The following CELF4 variants were observed in gnomAD, a reference collection of about 807,000 sequenced individuals.
The protein encoded by CELF4 is CUGBP Elav-like family member 4, also known as CUG-BP- and ETR-3-like factor 4.
CELF4 carries 18 observed loss-of-function variants against 59.9 expected under a neutral mutation model. The ratio of observed to expected loss-of-function variants is 0.30; its 90% CI spans 0.21 to 0.45. The LOEUF (loss-of-function observed/expected upper bound fraction) is 0.45, where lower values mean the gene tolerates loss of function less well. CELF4 is among the 20% of genes least tolerant of loss of function. CELF4 has a pLI of 1.00. For synonymous variants in CELF4, 261 were observed against 267.1 expected, an observed-to-expected ratio of 0.98 and a Z score of 0.22; for missense variants, 456 against 689.0, an observed-to-expected ratio of 0.66 and a Z score of 3.79.
chr18:37,379,507 CAAAAAAAAAAAAAA>C lies in CELF4; in HGVS notation c.370-57640_370-57627del, dbSNP rs56250210. ...GGCATCACAAATAAGAGGCCATAAG[CAAAAAAAAAAAAAA>C]AAAAAAAAAAAGGTACTATCCTTTG... On this transcript the variant is annotated intron_variant, in intron 2 of 12. Transcript: ENST00000420428. Among the ~76,000 whole-genome samples the C allele has an allele frequency of 1.1e-4, 5 of 45,714 alleles. No homozygotes were observed. In the East Asian group the frequency reaches 4.5e-3, roughly 41 times the overall value. The allele number at this position is 45,714 out of a possible 152,430, so 30.0% of individuals were successfully genotyped here. A position where few individuals can be genotyped will look rare whatever the true frequency, so the allele number is the denominator to read the frequency against.
intron 3 of CELF4, among the ~76,000 whole-genome samples, chr18:37,295,237 C>T (rs545213028): frequency 6.6e-6 from 1 of 152,334 alleles, no homozygotes; most frequent in South Asian, 2.1e-4. Context: ...CTGCAAACGT[C>T]CCCTTTTCCT....
intron 2 of CELF4, among the ~76,000 whole-genome samples, chr18:37,420,324 C>T (rs2099570166): frequency 1.3e-5 from 2 of 152,244 alleles, no homozygotes; most frequent in South Asian, 2.1e-4. Context: ...AATGTCTCAG[C>T]ACCTTGGTTT....
At chr18:37,313,916 A>G (rs1360106909) in intron 3 of CELF4, among the ~76,000 whole-genome samples, 1 of 152,238 alleles carries the variant, frequency 6.6e-6, no homozygotes, top group Non-Finnish European at 1.5e-5. Flanking sequence ...CCGCTGCCAC[A>G]TCAGTGCTGG....
chr18:37,481,760 T>G (rs1296432427), intron 2 of CELF4, among the ~76,000 whole-genome samples: 1 of 152,204 alleles, frequency 6.6e-6, no homozygotes, highest in East Asian at 1.9e-4. Flanking sequence ...GAGTCACTCC[T>G]GCACTCCATG....
intron 1 of CELF4, among the ~76,000 whole-genome samples, chr18:37,548,061 ATC>A (rs2099982015): frequency 6.6e-6 from 1 of 150,604 alleles, no homozygotes; most frequent in African/African-American, 2.4e-5. Flanking sequence ...TGATTTTTGA[ATC>A]TCTATGTATG....
intron 1 of CELF4, among the ~76,000 whole-genome samples, chr18:37,550,029 T>G (rs973948802): frequency 7.1e-5 from 8 of 113,428 alleles, no homozygotes; most frequent in African/African-American, 2.2e-4. Context: ...GGAAGAAAAC[T>G]AAAAATACTA....
At chr18:37,362,679 TGCC>T (rs1569567739) in intron 2 of CELF4, among the ~76,000 whole-genome samples, 1 of 152,044 alleles carries the variant, frequency 6.6e-6, no homozygotes, top group Non-Finnish European at 1.5e-5. Context: ...CTGGCTGCCC[TGCC>T]CTGCCCGCGC....
chr18:37,379,075 T>C (rs2099005468), intron 2 of CELF4, among the ~76,000 whole-genome samples: 2 of 152,200 alleles, frequency 1.3e-5, no homozygotes, highest in South Asian at 4.1e-4. Flanking sequence ...CTGCTTAGGC[T>C]AGGAGATGAG....
In CELF4 at chr18:37,330,997, A is replaced by C. The variant is rs55829755; in HGVS notation, c.370-9116T>G. On this transcript the variant is annotated intron_variant, in intron 2 of 12. Transcript: ENST00000420428. ...CAAATCCAGAGCCTATTAAAATGCAAACCCTCCAGATAAGATTTTTTAATA... is the reference window on the plus strand; with the variant it reads ...CAAATCCAGAGCCTATTAAAATGCACACCCTCCAGATAAGATTTTTTAATA... Among the ~76,000 whole-genome samples, 481 of 152,302 alleles carry C rather than the reference A, an allele frequency of 3.2e-3. 1 individual carries two copies. Among genetic ancestry groups the C allele is most frequent in the African/African-American group, 0.011 (453 of 41,560 alleles).
At chr18:37,387,304 TC>T (rs757580506) in intron 2 of CELF4, among the ~76,000 whole-genome samples, 4 of 152,304 alleles carry the variant, frequency 2.6e-5, no homozygotes, top group Middle Eastern at 3.4e-3. Flanking sequence ...CAGGCCTTGC[TC>T]CCTCCCCAAA....
intron 2 of CELF4, among the ~76,000 whole-genome samples, chr18:37,351,360 G>C (rs1292301897): frequency 1.3e-5 from 2 of 152,126 alleles, no homozygotes; most frequent in Non-Finnish European, 2.9e-5. Flanking sequence ...TCCTCTCCAA[G>C]AAACGATGCC....
chr18:37,467,122 T>C (rs957950103), intron 2 of CELF4, among the ~76,000 whole-genome samples: 1 of 152,164 alleles, frequency 6.6e-6, no homozygotes, highest in African/African-American at 2.4e-5. Context: ...CCCTTGTCAC[T>C]ATACGGGTCA....
chr18:37,529,484 C>A (rs1424250660), intron 1 of CELF4, among the ~76,000 whole-genome samples: 1 of 152,204 alleles, frequency 6.6e-6, no homozygotes, highest in South Asian at 2.1e-4. Context: ...CAAACCAGGG[C>A]ACATCCAATA....
At chr18:37,463,001 C>T (rs1268130280) in intron 2 of CELF4, among the ~76,000 whole-genome samples, 1 of 152,130 alleles carries the variant, frequency 6.6e-6, no homozygotes, top group Non-Finnish European at 1.5e-5. Context: ...CTCTGTGGAC[C>T]TGCACTCTGG....
intron 2 of CELF4, among the ~76,000 whole-genome samples, chr18:37,471,722 C>G (rs970150010): frequency 6.6e-6 from 1 of 152,164 alleles, no homozygotes; most frequent in Non-Finnish European, 1.5e-5. Context: ...AGGGAAGCCC[C>G]AGGGGCAGCA....
rs1354091597 is a variant in CELF4, at chr18:37,254,064, C to T, written c.1334-126G>A. 2 of 654,074 alleles carry T rather than the reference C, an allele frequency of 3.1e-6. No individual in the cohort carries two copies. The highest frequency in any genetic ancestry group is 4.2e-6 in the Non-Finnish European group (2 of 481,040). The allele number at this position is 654,074 out of a possible 1,614,324, so 40.5% of individuals were successfully genotyped here. On this transcript the variant is annotated intron_variant, in intron 11 of 12. Transcript: ENST00000420428. The surrounding 1 kb of genome is among the most constrained non-coding windows in gnomAD (Gnocchi z 5.1). ...GGCTCTCCCCCTCGGGCCCCGCCCCCGGCCCCGCCCCGGTGCCCGCCCCTC... is the reference window on the plus strand; with the variant it reads ...GGCTCTCCCCCTCGGGCCCCGCCCCTGGCCCCGCCCCGGTGCCCGCCCCTC...
intron 2 of CELF4, among the ~76,000 whole-genome samples, chr18:37,425,759 C>T (rs1392444478): frequency 6.6e-6 from 1 of 152,266 alleles, no homozygotes; most frequent in Non-Finnish European, 1.5e-5. Context: ...GCAGAAACTA[C>T]AGCTGCTTGG....
chr18:37,510,619 G>A (rs753562936), intron 1 of CELF4, among the ~76,000 whole-genome samples: 2 of 152,208 alleles, frequency 1.3e-5, no homozygotes, highest in African/African-American at 2.4e-5. Context: ...CCCTTGCCCC[G>A]CCTTTCTACA....
chr18:37,298,912 C>T (rs569958506), intron 3 of CELF4, among the ~76,000 whole-genome samples: 2 of 152,320 alleles, frequency 1.3e-5, no homozygotes, highest in East Asian at 1.9e-4. Flanking sequence ...ATACTTTCTG[C>T]TCTCTTCCCT....
Sources: allele counts gnomAD v4.1 joint callset (sites outside exome capture counted in the v4.1 genomes callset), GRCh38; gene constraint gnomAD v4.1.1; non-coding constraint Gnocchi (gnomAD v3.1); transcripts MANE v1.5; gene names NCBI Gene and HGNC (gene_info 2026-07-23, HGNC 2026-07-21).